AOPEP: variants seen among roughly 807,000 people sequenced by gnomAD.
The protein encoded by AOPEP is aminopeptidase O (putative), also known as aminopeptidase O.
A neutral mutation model predicts 98.1 loss-of-function variants in AOPEP; 77 were observed. The ratio of observed to expected loss-of-function variants is 0.78; its 90% CI spans 0.65 to 0.95. The LOEUF (loss-of-function observed/expected upper bound fraction) is 0.95, where lower values mean the gene tolerates loss of function less well. Among genes scored for constraint, AOPEP ranks in the 40% least tolerant of loss-of-function variants. The pLI is 0.00. For missense variants in AOPEP, 1,024 were observed against 1,024.7 expected, an observed-to-expected ratio of 1.00 and a Z score of 0.01; for synonymous variants, 346 against 365.3, an observed-to-expected ratio of 0.95 and a Z score of 0.60.
chr9:94,728,698 T>A (rs1024801097), intron 1 of AOPEP, among the ~76,000 whole-genome samples: 5 of 152,078 alleles, frequency 3.3e-5, no homozygotes, highest in Non-Finnish European at 5.9e-5. Context: ...GCTGGATGAT[T>A]GATGAAGCAA....
chr9:95,144,118 C>T, the AOPEP span, among the ~76,000 whole-genome samples: 2 of 151,800 alleles, frequency 1.3e-5, no homozygotes, highest in South Asian at 2.1e-4. Context: ...CAAATGACCA[C>T]GCAGCACATC....
chr9:94,760,508 A>C lies in AOPEP; in HGVS notation c.725A>C (p.His242Pro). 1 of 1,607,190 alleles carries C rather than the reference A, an allele frequency of 6.2e-7. No individual in the cohort carries two copies. Among genetic ancestry groups the C allele is most frequent in the African/African-American group, 1.3e-5 (1 of 74,656 alleles). Reference sequence around the variant, plus strand: ...GCTCAGACAGCTACTGACTTTCCTCATGCTATCAGGATATGGTACAAAACT... The same window carrying C: ...GCTCAGACAGCTACTGACTTTCCTCCTGCTATCAGGATATGGTACAAAACT... ...TGAQTATDFP[H>P]AIRIWYKTKP... is the part of the protein sequence containing the mutation. Residue 242 changes from histidine (H) to proline (P), a missense_variant, in exon 2 of 17, where the codon CAT (histidine) becomes CCT (proline). This residue lies in a region of AOPEP where 440 missense variants were observed against 433.8 expected (regional missense o/e 1.01). Transcript: ENST00000375315.
At chr9:94,916,215 A>G (rs973772560) in intron 5 of AOPEP, among the ~76,000 whole-genome samples, 1 of 152,140 alleles carries the variant, frequency 6.6e-6, no homozygotes, top group African/African-American at 2.4e-5. Context: ...AACAAACATC[A>G]TCGCCCTGAT....
At chr9:94,927,253 ACTTAAC>A (rs1358098677) in intron 6 of AOPEP, among the ~76,000 whole-genome samples, 1 of 152,178 alleles carries the variant, frequency 6.6e-6, no homozygotes, top group Non-Finnish European at 1.5e-5. Flanking sequence ...CTCATGACTT[ACTTAAC>A]CTTAATGACC....
At chr9:94,965,924 C>A (rs13296365) in intron 9 of AOPEP, among the ~76,000 whole-genome samples, 2 of 146,760 alleles carry the variant, frequency 1.4e-5, no homozygotes, top group African/African-American at 2.5e-5. Context: ...CTGCAGTTAA[C>A]TGGGTGTCAT....
In AOPEP at chr9:94,801,006, T is replaced by C. The variant is rs988799920; in HGVS notation, c.1364+4T>C. 7 of 1,613,722 alleles carry C rather than the reference T, an allele frequency of 4.3e-6. No homozygotes were observed. Among genetic ancestry groups the C allele is most frequent in the Non-Finnish European group, 5.9e-6 (7 of 1,179,686 alleles). Reference sequence around the variant, plus strand: ...TTCCAAGTCTGGGGATGGCCAGGTATGTTGTTCCATTGTGGCACTTGGGGT... The same window carrying C: ...TTCCAAGTCTGGGGATGGCCAGGTACGTTGTTCCATTGTGGCACTTGGGGT... On this transcript the variant is annotated splice_donor_region_variant and intron_variant, in intron 5 of 16. Transcript: ENST00000375315.
intron 14 of AOPEP, among the ~76,000 whole-genome samples, chr9:95,070,645 G>A (rs897863962): frequency 2.6e-5 from 4 of 152,264 alleles, no homozygotes; most frequent in Non-Finnish European, 1.5e-5. Context: ...CCCAAAGATG[G>A]CCCAGAGGCC....
At chr9:95,098,050 G>C in the AOPEP span, among the ~76,000 whole-genome samples, 1 of 152,134 alleles carries the variant, frequency 6.6e-6, no homozygotes, top group African/African-American at 2.4e-5. Context: ...GAAGCACGGG[G>C]AACTGTTTCT....
At chr9:94,918,234 G>A (rs1442905268) in intron 5 of AOPEP, among the ~76,000 whole-genome samples, 2 of 152,222 alleles carry the variant, frequency 1.3e-5, no homozygotes, top group Non-Finnish European at 2.9e-5. Flanking sequence ...GGGTTATGAG[G>A]AAGTAGGCAT....
At chr9:94,764,666 A>G (rs774732472) in intron 2 of AOPEP, among the ~76,000 whole-genome samples, 1 of 152,164 alleles carries the variant, frequency 6.6e-6, no homozygotes, top group Non-Finnish European at 1.5e-5. Flanking sequence ...AATAAAATAA[A>G]TAAAATAAAA....
intron 11 of AOPEP, among the ~76,000 whole-genome samples, chr9:95,004,818 G>GGAGCAC (rs1163789253): frequency 6.8e-6 from 1 of 147,282 alleles, no homozygotes; most frequent in African/African-American, 2.4e-5. Context: ...CCCGGGAGCG[G>GGAGCAC]GAGCACGCCG....
intron 7 of AOPEP, chr9:94,933,016 C>T: frequency 1.0e-6 from 1 of 985,436 alleles, no homozygotes; most frequent in Non-Finnish European, 1.2e-6. Context: ...TTGAAGATGT[C>T]TTTCCCACAG....
At chr9:94,905,595 C>A (rs909021391) in intron 5 of AOPEP, among the ~76,000 whole-genome samples, 2 of 152,082 alleles carry the variant, frequency 1.3e-5, no homozygotes, top group East Asian at 3.8e-4. Flanking sequence ...TTCAAATGTA[C>A]CTTCCTGTAC....
intron 13 of AOPEP, among the ~76,000 whole-genome samples, chr9:95,029,248 A>G (rs1392212341): frequency 1.3e-5 from 2 of 152,196 alleles, no homozygotes; most frequent in Non-Finnish European, 2.9e-5. Context: ...GTGAGAGGCA[A>G]TCAGGCTGGC....
chr9:95,135,318 T>C, the AOPEP span: 12 of 1,611,072 alleles, frequency 7.4e-6, no homozygotes, highest in Non-Finnish European at 2.5e-6. Flanking sequence ...TTCAAGGATT[T>C]TTCCCTTCAT....
the AOPEP span, among the ~76,000 whole-genome samples, chr9:95,106,190 G>A: frequency 6.6e-6 from 1 of 151,442 alleles, no homozygotes; most frequent in South Asian, 2.1e-4. Context: ...GCTGCACTTT[G>A]CCTTTCCCTG....
the AOPEP span, among the ~76,000 whole-genome samples, chr9:95,096,283 A>G: frequency 6.6e-6 from 1 of 152,168 alleles, no homozygotes; most frequent in African/African-American, 2.4e-5. Flanking sequence ...CTAGGCAGTG[A>G]GTAGCGGGGA....
chr9:95,113,175 C>A, the AOPEP span, among the ~76,000 whole-genome samples: 4 of 152,172 alleles, frequency 2.6e-5, no homozygotes, highest in African/African-American at 7.2e-5. Flanking sequence ...TGGCTGCAGG[C>A]CTTTTTTGTC....
At chr9:94,797,658 A>G (rs1160734108) in intron 4 of AOPEP, among the ~76,000 whole-genome samples, 2 of 151,906 alleles carry the variant, frequency 1.3e-5, no homozygotes, top group Non-Finnish European at 2.9e-5. Context: ...TAAACCTGAT[A>G]GAGAACATTC....
Sources: gnomAD v4.1 joint callset for allele counts (sites outside exome capture counted in the v4.1 genomes callset) on GRCh38, gnomAD v4.1.1 for gene constraint, gnomAD v4.1.1 regional missense constraint, MANE v1.5 for transcripts, NCBI Gene and HGNC (gene_info 2026-07-23, HGNC 2026-07-21) for gene names.